The following LITAF variants were observed in gnomAD, a reference collection of about 807,000 sequenced individuals.
LITAF encodes the protein lipopolysaccharide-induced tumor necrosis factor-alpha factor.
In LITAF, 9 loss-of-function variants were observed where a neutral mutation model predicts 14.5. That is an observed-to-expected ratio of 0.62 (90% CI 0.37 to 1.08). The LOEUF is 1.08. Ranked by LOEUF, LITAF falls within the 50% of genes least tolerant of loss-of-function variation. The pLI is 0.01. For synonymous variants in LITAF, 98 were observed against 88.2 expected, an observed-to-expected ratio of 1.11 and a Z score of -0.62; for missense variants, 206 against 213.4, an observed-to-expected ratio of 0.97 and a Z score of 0.22.
intron 1 of LITAF, among the ~76,000 whole-genome samples, chr16:11,578,915 A>C (rs2064686480): frequency 6.6e-6 from 1 of 152,152 alleles, no homozygotes; most frequent in Non-Finnish European, 1.5e-5. Flanking sequence ...GGGGCCGGGC[A>C]CAGTGGCTCA....
intron 2 of LITAF, chr16:11,556,282 T>C: frequency 1.8e-6 from 1 of 559,602 alleles, no homozygotes; most frequent in Non-Finnish European, 3.2e-6. Context: ...AAGATTCGTA[T>C]ATGATGACCA....
At chr16:11,611,485 G>C (rs901178818) in intron 3 of LITAF, among the ~76,000 whole-genome samples, 1 of 152,116 alleles carries the variant, frequency 6.6e-6, no homozygotes, top group Non-Finnish European at 1.5e-5. Flanking sequence ...ATTTAACCAG[G>C]CATCCTGCAT....
intron 1 of LITAF, among the ~76,000 whole-genome samples, chr16:11,560,065 G>A (rs1000964937): frequency 1.3e-5 from 2 of 152,184 alleles, no homozygotes; most frequent in African/African-American, 4.8e-5. Context: ...GGGAGGCCAA[G>A]GCAGACGGAT....
chr16:11,566,658 G>A (rs941963374), intron 1 of LITAF, among the ~76,000 whole-genome samples: 4 of 152,118 alleles, frequency 2.6e-5, no homozygotes, highest in African/African-American at 7.2e-5. Context: ...CCAGCTACTC[G>A]GAGGCTGAGA....
intron 1 of LITAF, among the ~76,000 whole-genome samples, chr16:11,597,186 G>A (rs756048623): frequency 1.3e-5 from 2 of 152,082 alleles, no homozygotes; most frequent in Admixed American, 6.6e-5. Context: ...TTTATATTCT[G>A]GTTAGGAGCA....
chr16:11,587,897 G>T (rs1448048384), upstream of LITAF, among the ~76,000 whole-genome samples: 2 of 152,110 alleles, frequency 1.3e-5, no homozygotes, highest in African/African-American at 4.8e-5. Flanking sequence ...AACGCCATTT[G>T]GACAGGGAGC....
chr16:11,578,908 G>A (rs1351016729), intron 1 of LITAF, among the ~76,000 whole-genome samples: 1 of 152,214 alleles, frequency 6.6e-6, no homozygotes, highest in African/African-American at 2.4e-5. Context: ...GCAATGTGGG[G>A]CCGGGCACAG....
upstream of LITAF, among the ~76,000 whole-genome samples, chr16:11,588,908 C>T (rs1251788731): frequency 6.6e-6 from 1 of 151,926 alleles, no homozygotes; most frequent in East Asian, 1.9e-4. Context: ...TCCTCGCTTC[C>T]TCCCTTCCTT....
chr16:11,616,994 C>A lies in LITAF; in HGVS notation c.85+16539G>T, dbSNP rs138827678. ...CAACACTTTGGGAGGCCGAGGCAGGCAGATCACCTGAGGTCAGGAGTTCGA... is the reference window on the plus strand; with the variant it reads ...CAACACTTTGGGAGGCCGAGGCAGGAAGATCACCTGAGGTCAGGAGTTCGA... On this transcript the variant is annotated intron_variant, in intron 3 of 3. Transcript: ENST00000574848. 2.4e-3 allele frequency among the ~76,000 whole-genome samples: 363 copies of A among 151,044 alleles called. 1 individual carries two copies. The highest frequency in any genetic ancestry group is 8.5e-3 in the African/African-American group (351 of 41,070).
rs565346854 is a variant in LITAF, at chr16:11,623,471, C to T, written c.85+10062G>A. 4.0e-5 allele frequency among the ~76,000 whole-genome samples: 6 copies of T among 151,260 alleles called. No homozygotes were observed. In the East Asian group the frequency reaches 1.2e-3, roughly 30 times the overall value. On this transcript the variant is annotated intron_variant, in intron 3 of 3. Transcript: ENST00000574848. ...GGTCAGGAGTTCGAAACCAGCCCGGCCAGCATGGTGAAACCCCATCTCTAC... is the reference window on the plus strand; with the variant it reads ...GGTCAGGAGTTCGAAACCAGCCCGGTCAGCATGGTGAAACCCCATCTCTAC...
rs2065086855 is a variant in LITAF at position 11,626,824 on chromosome 16, T to C, written c.85+6709A>G. Among the ~76,000 whole-genome samples, 3 of 152,154 alleles carry C rather than the reference T, an allele frequency of 2.0e-5. 1 individual carries two copies. The highest frequency in any genetic ancestry group is 4.1e-4 in the South Asian group (2 of 4,830). ...TCCACTATATTTTTATTTAATGTGC[T>C]ACTGGTGAAAATTTATTTCTTCTTT... On this transcript the variant is annotated intron_variant, in intron 3 of 3. Coordinates refer to the LITAF transcript ENST00000574848.
At chr16:11,611,303 C>A (rs929701971) in intron 3 of LITAF, among the ~76,000 whole-genome samples, 6 of 152,238 alleles carry the variant, frequency 3.9e-5, no homozygotes, top group Middle Eastern at 3.4e-3. Flanking sequence ...CGATCACCCC[C>A]CTACACTCCA....
At chr16:11,573,942 T>C (rs1214613233) in intron 1 of LITAF, among the ~76,000 whole-genome samples, 1 of 151,828 alleles carries the variant, frequency 6.6e-6, no homozygotes, top group African/African-American at 2.4e-5. Flanking sequence ...CCTCAAGTGA[T>C]CCTCCCGCCT....
chr16:11,579,008 G>A (rs541526918), intron 1 of LITAF, among the ~76,000 whole-genome samples: 3 of 152,256 alleles, frequency 2.0e-5, no homozygotes, highest in Non-Finnish European at 4.4e-5. Context: ...GGCCAACATG[G>A]GGAAACCCCA....
At chr16:11,594,235 A>G (rs1597364634) in intron 1 of LITAF, among the ~76,000 whole-genome samples, 3 of 152,090 alleles carry the variant, frequency 2.0e-5, no homozygotes, top group Admixed American at 2.0e-4. Context: ...ACTGCAAAAC[A>G]CTACATGCCA....
upstream of LITAF, among the ~76,000 whole-genome samples, chr16:11,602,757 T>C (rs149132701): frequency 4.6e-3 from 477 of 104,218 alleles, 2 homozygotes; most frequent in Non-Finnish European, 7.8e-3. Context: ...CTGTGGCTTG[T>C]TGCAAAAAAA....
Position 11,632,788 on chromosome 16 carries a change from G to T in LITAF, c.85+745C>A, listed in dbSNP as rs571700124. 6.6e-6 allele frequency among the ~76,000 whole-genome samples: 1 copy of T among 152,178 alleles called. No individual in the cohort carries two copies. Among genetic ancestry groups the T allele is most frequent in the Non-Finnish European group, 1.5e-5 (1 of 68,024 alleles). On this transcript the variant is annotated intron_variant, in intron 3 of 3. Transcript: ENST00000574848. This position sits in a 1 kb window ranked among gnomAD's most constrained non-coding sequence, Gnocchi z 4.8. The stretch of plus-strand genomic sequence containing the variant: ...TGACTATGTGGTGCCCTCAGCCCCC[G>T]CACGGGTCAGAGTTTTCCGTGTGCC...
At chr16:11,576,661 C>T (rs1028999407) in intron 1 of LITAF, among the ~76,000 whole-genome samples, 1 of 151,714 alleles carries the variant, frequency 6.6e-6, no homozygotes, top group Non-Finnish European at 1.5e-5. Flanking sequence ...GGGCTGATGG[C>T]GGCTCCATCC....
intron 1 of LITAF, among the ~76,000 whole-genome samples, chr16:11,573,129 T>C (rs2064572253): frequency 6.6e-6 from 1 of 152,010 alleles, no homozygotes; most frequent in South Asian, 2.1e-4. Flanking sequence ...GGGGTCTCAC[T>C]ATGTTGCCCA....
Sources: gnomAD v4.1 joint callset for allele counts (sites outside exome capture counted in the v4.1 genomes callset) on GRCh38, gnomAD v4.1.1 for gene constraint, Gnocchi (gnomAD v3.1) non-coding constraint, MANE v1.5 for transcripts, NCBI Gene and HGNC (gene_info 2026-07-23, HGNC 2026-07-21) for gene names.